MAPK4: variants seen among roughly 807,000 people sequenced by gnomAD.
MAPK4 encodes mitogen-activated protein kinase 4, also known as Erk3-related.
A neutral mutation model predicts 47.7 loss-of-function variants in MAPK4; 22 were observed. That is an observed-to-expected ratio of 0.46 (90% CI 0.33 to 0.66). The LOEUF is 0.66. MAPK4 is among the 30% of genes least tolerant of loss of function. The pLI, the probability that MAPK4 is intolerant of heterozygous loss-of-function variation, is 0.02. For synonymous variants in MAPK4, 390 were observed against 365.7 expected (o/e 1.07, Z -0.76); for missense variants, 736 against 831.7 (o/e 0.88, Z 1.42).
In MAPK4 at chr18:50,691,471, A is replaced by T. The variant is rs575130646; in HGVS notation, c.547-23608A>T. 5.5e-3 allele frequency among the ~76,000 whole-genome samples: 841 copies of T among 152,304 alleles called. 6 individuals carry two copies. Among genetic ancestry groups the T allele is most frequent in the Non-Finnish European group, 9.0e-3 (611 of 68,032 alleles). On this transcript the variant is annotated intron_variant, in intron 2 of 5. Coordinates refer to ENST00000400384, the MANE Select transcript of MAPK4 (RefSeq NM_002747.4). ...AGGATTCATGCTCAGTTGAAATTTG[A>T]CATGTTTTGCTTTCTGATAAGAAAA...
chr18:50,639,133 T>C (rs997039015), intron 1 of MAPK4, among the ~76,000 whole-genome samples: 2 of 152,108 alleles, frequency 1.3e-5, no homozygotes, highest in Non-Finnish European at 2.9e-5. Context: ...TTCAGAAACC[T>C]GGGGAATGGA....
Position 50,575,792 on chromosome 18 carries a change from C to CAA in MAPK4, c.-871+15569_-871+15570dup, listed in dbSNP as rs540138636. Among the ~76,000 whole-genome samples, 94 of 70,142 alleles carry CAA rather than the reference C, an allele frequency of 1.3e-3. 1 individual carries two copies. Among genetic ancestry groups the CAA allele is most frequent in the East Asian group, 3.9e-3 (8 of 2,032 alleles). 46.0% of individuals were successfully genotyped at this position (70,142 alleles called of 152,430 possible). ...TTAGGAACTTAAATGAATCAACAAG[C>CAA]AAAAAAAAAAAAAAAAAAAAACCAT... On this transcript the variant is annotated intron_variant, in intron 1 of 5. Coordinates refer to ENST00000400384, the MANE Select transcript of MAPK4 (RefSeq NM_002747.4).
intron 1 of MAPK4, among the ~76,000 whole-genome samples, chr18:50,648,721 A>G (rs2043015931): frequency 6.6e-6 from 1 of 152,180 alleles, no homozygotes; most frequent in African/African-American, 2.4e-5. Flanking sequence ...CCTACCCTAA[A>G]GCAGTGCGGA....
At chr18:50,567,218 C>T (rs2042206442) in intron 1 of MAPK4, among the ~76,000 whole-genome samples, 1 of 151,984 alleles carries the variant, frequency 6.6e-6, no homozygotes, top group Non-Finnish European at 1.5e-5. Context: ...TTAGGTATTT[C>T]TTCTAATGCT....
intron 3 of MAPK4, among the ~76,000 whole-genome samples, chr18:50,717,637 C>T (rs1910712163): frequency 6.6e-6 from 1 of 152,100 alleles, no homozygotes; most frequent in Non-Finnish European, 1.5e-5. Flanking sequence ...AAAGGTGTGT[C>T]CTTAGCATCC....
rs141426316 is a variant in MAPK4, at chr18:50,728,941, C to T, written c.1068-217C>T. Among the ~76,000 whole-genome samples the T allele has an allele frequency of 1.6e-3, 251 of 152,342 alleles. 1 individual carries two copies. The highest frequency in any genetic ancestry group is 0.01 in the Middle Eastern group (3 of 294). ...TGCGCAGGAAATATCTGCAGGGTTTCGAATGCGTACAAAAGAACACAAGAG... is the reference window on the plus strand; with the variant it reads ...TGCGCAGGAAATATCTGCAGGGTTTTGAATGCGTACAAAAGAACACAAGAG... On this transcript the variant is annotated intron_variant, in intron 5 of 5. Transcript: ENST00000400384.
In MAPK4 at chr18:50,563,248, A is replaced by G. The variant is rs1433859566; in HGVS notation, c.-871+3005A>G. On this transcript the variant is annotated intron_variant, in intron 1 of 5. Transcript: ENST00000400384. ...AGAGAAAACAAACGGGCTTTGCAAG[A>G]TGAAATAGGATTCAGATGGGCAAAG... Among the ~76,000 whole-genome samples the G allele has an allele frequency of 2.0e-5, 3 of 152,256 alleles. No individual in the cohort carries two copies. In the East Asian group the frequency reaches 5.8e-4, roughly 29 times the overall value.
At chr18:50,687,964 C>T (rs1374242355) in intron 2 of MAPK4, among the ~76,000 whole-genome samples, 3 of 152,132 alleles carry the variant, frequency 2.0e-5, no homozygotes, top group East Asian at 1.9e-4. Flanking sequence ...TGACCAGGCA[C>T]GAGGCTGGGT....
intron 1 of MAPK4, among the ~76,000 whole-genome samples, chr18:50,570,323 A>G (rs1165121799): frequency 6.6e-6 from 1 of 152,222 alleles, no homozygotes; most frequent in Non-Finnish European, 1.5e-5. Context: ...GCTGTTCCTA[A>G]TAAGGCAGGT....
At chr18:50,654,586 C>T (rs7235791) in intron 1 of MAPK4, among the ~76,000 whole-genome samples, 1 of 152,142 alleles carries the variant, frequency 6.6e-6, no homozygotes. Flanking sequence ...GAGAAGTTTC[C>T]CCTTGAATCT....
intron 2 of MAPK4, among the ~76,000 whole-genome samples, chr18:50,667,005 G>C (rs980879144): frequency 2.8e-4 from 43 of 152,204 alleles, no homozygotes; most frequent in Non-Finnish European, 4.7e-4. Flanking sequence ...ATGGCCAAAG[G>C]ACACAGGATC....
At chr18:50,715,772 C>A (rs79232585) in intron 3 of MAPK4, among the ~76,000 whole-genome samples, 1,610 of 152,284 alleles carry the variant, frequency 0.011, 29 homozygotes, top group African/African-American at 0.036. Context: ...TGTTTATATG[C>A]CACCTAGGCT....
chr18:50,642,825 G>A lies in MAPK4; in HGVS notation c.-870-20264G>A, dbSNP rs150455307. ...GGCAAGTGTTGGCCAGGCTGGTCTC[G>A]AACTCCTGACCTCAGGTAATCCGCC... On this transcript the variant is annotated intron_variant, in intron 1 of 5. Transcript: ENST00000400384. 3.6e-3 allele frequency among the ~76,000 whole-genome samples: 541 copies of A among 152,286 alleles called. 8 individuals are homozygous for A. In the South Asian group the frequency reaches 0.04, roughly 11 times the overall value.
Position 50,716,665 on chromosome 18 carries a change from C to T in MAPK4, c.691+1442C>T, listed in dbSNP as rs1055909638. On this transcript the variant is annotated intron_variant, in intron 3 of 5. Coordinates refer to ENST00000400384, the MANE Select transcript of MAPK4 (RefSeq NM_002747.4). ...TGGATTCCATGCCCCTACAGAACTCCGGGCCTCATATCCGGTCCTCCTGGC... is the reference window on the plus strand; with the variant it reads ...TGGATTCCATGCCCCTACAGAACTCTGGGCCTCATATCCGGTCCTCCTGGC... 7.2e-5 allele frequency among the ~76,000 whole-genome samples: 11 copies of T among 152,254 alleles called. No individual in the cohort carries two copies. In the South Asian group the frequency reaches 8.3e-4, roughly 11 times the overall value.
At chr18:50,607,102 A>G (rs935918172) in intron 1 of MAPK4, among the ~76,000 whole-genome samples, 3 of 152,188 alleles carry the variant, frequency 2.0e-5, no homozygotes, top group African/African-American at 7.2e-5. Flanking sequence ...TTGTATGCAA[A>G]GCATCACATC....
chr18:50,727,980 A>G (rs1445201926), intron 5 of MAPK4, among the ~76,000 whole-genome samples: 1 of 152,188 alleles, frequency 6.6e-6, no homozygotes, highest in South Asian at 2.1e-4. Flanking sequence ...AGGCCACTCA[A>G]TCAAGGAGGC....
chr18:50,592,190 C>T (rs984684680), intron 1 of MAPK4, among the ~76,000 whole-genome samples: 8 of 152,122 alleles, frequency 5.3e-5, no homozygotes, highest in African/African-American at 1.9e-4. Flanking sequence ...TAGAGGCTCA[C>T]GGAGGTTAAA....
At chr18:50,658,690 A>G (rs2043137361) in intron 1 of MAPK4, among the ~76,000 whole-genome samples, 1 of 152,250 alleles carries the variant, frequency 6.6e-6, no homozygotes, top group Admixed American at 6.5e-5. Flanking sequence ...ACTTTAGGCC[A>G]GATTAGGTAG....
chr18:50,565,281 A>C (rs1029826028), intron 1 of MAPK4, among the ~76,000 whole-genome samples: 1 of 152,238 alleles, frequency 6.6e-6, no homozygotes, highest in African/African-American at 2.4e-5. Context: ...CATGAGCAGC[A>C]TCATAGGTGA....
Sources: allele counts gnomAD v4.1 joint callset (sites outside exome capture counted in the v4.1 genomes callset), GRCh38; gene constraint gnomAD v4.1.1; transcripts MANE v1.5; gene names NCBI Gene and HGNC (gene_info 2026-07-23, HGNC 2026-07-21).